The following ATXN7L1 variants were observed in gnomAD, a reference collection of about 807,000 sequenced individuals.
ATXN7L1 encodes the protein ataxin-7-like protein 1.
A neutral mutation model predicts 70.8 loss-of-function variants in ATXN7L1; 15 were observed. The observed-to-expected ratio is 0.21, with a 90% CI of 0.14 to 0.33. ATXN7L1 has a LOEUF of 0.33. ATXN7L1 is among the 10% of genes least tolerant of loss of function. The pLI is 1.00. For synonymous variants in ATXN7L1, 440 were observed against 445.1 expected, an observed-to-expected ratio of 0.99 and a Z score of 0.14; for missense variants, 975 against 1,097.1, an observed-to-expected ratio of 0.89 and a Z score of 1.57.
chr7:105,769,602 C>A (rs1445496583), intron 3 of ATXN7L1, among the ~76,000 whole-genome samples: 2 of 152,120 alleles, frequency 1.3e-5, no homozygotes, highest in African/African-American at 2.4e-5. Context: ...GACCGGCTGA[C>A]TCAGGCCTAA....
intron 3 of ATXN7L1, among the ~76,000 whole-genome samples, chr7:105,717,501 T>A (rs1340737496): frequency 2.0e-5 from 3 of 152,240 alleles, no homozygotes; most frequent in Non-Finnish European, 4.4e-5. Flanking sequence ...TGGTTGCAAT[T>A]TTTTGCTATT....
chr7:105,729,203 C>A (rs556519119), intron 3 of ATXN7L1, among the ~76,000 whole-genome samples: 6 of 151,540 alleles, frequency 4.0e-5, no homozygotes, highest in Non-Finnish European at 8.8e-5. Context: ...GCCAGGAGGT[C>A]GAGGCTACAG....
At chr7:105,727,580 A>G (rs1390814153) in intron 3 of ATXN7L1, among the ~76,000 whole-genome samples, 1 of 150,116 alleles carries the variant, frequency 6.7e-6, no homozygotes, top group Non-Finnish European at 1.5e-5. Context: ...GAGGCATGAG[A>G]ATTGCTTGAA....
At chr7:105,688,536 C>A (rs534874449) in intron 3 of ATXN7L1, among the ~76,000 whole-genome samples, 1 of 151,304 alleles carries the variant, frequency 6.6e-6, no homozygotes, top group South Asian at 2.1e-4. Flanking sequence ...CAGAGCAAGA[C>A]CCTGTGTCAA....
chr7:105,832,457 T>A (rs966620254), intron 2 of ATXN7L1, among the ~76,000 whole-genome samples: 1 of 152,234 alleles, frequency 6.6e-6, no homozygotes, highest in African/African-American at 2.4e-5. Context: ...AAATACCTTA[T>A]GTGTTTGATG....
At chr7:105,875,620 C>T (rs1199849663) in intron 2 of ATXN7L1, among the ~76,000 whole-genome samples, 192 bp downstream of exon 2, 2 of 59,770 alleles carry the variant, frequency 3.3e-5, no homozygotes, top group African/African-American at 8.2e-5. Flanking sequence ...CAGTCTCACC[C>T]CCCTTTACCC....
intron 3 of ATXN7L1, among the ~76,000 whole-genome samples, chr7:105,778,006 C>A (rs1166821361): frequency 2.6e-5 from 4 of 152,154 alleles, no homozygotes; most frequent in African/African-American, 9.7e-5. Context: ...AGAACATAAG[C>A]CTCAAGAAGC....
At chr7:105,690,068 G>A (rs1444562159) in intron 3 of ATXN7L1, among the ~76,000 whole-genome samples, 7 of 152,276 alleles carry the variant, frequency 4.6e-5, no homozygotes, top group Admixed American at 1.3e-4. Context: ...GCAATGGCGC[G>A]CTCTCGGCTC....
At chr7:105,761,191 G>T in intron 3 of ATXN7L1, 1 of 1,398,692 alleles carries the variant, frequency 7.1e-7, no homozygotes, top group African/African-American at 1.5e-5. Flanking sequence ...GGTACCCCCT[G>T]CTCTGCTCAA....
chr7:105,672,647 G>T (rs1014825136), intron 3 of ATXN7L1, among the ~76,000 whole-genome samples: 2 of 152,204 alleles, frequency 1.3e-5, no homozygotes, highest in African/African-American at 4.8e-5. Context: ...TGTTTTCAGA[G>T]CCCCTGTCTT....
Position 105,642,991 on chromosome 7 carries a change from T to G in ATXN7L1, c.709A>C (p.Thr237Pro). ...AGGACAGGCTTAATTAAAGGAGGGGTGGAGACGGCAGAGGACGAGGTGGAG... is the reference window on the plus strand; with the variant it reads ...AGGACAGGCTTAATTAAAGGAGGGGGGGAGACGGCAGAGGACGAGGTGGAG... ...ASSTSSSAVS[T>P]PPLIKPVLMS... Residue 237 changes from threonine to proline, a missense_variant, in exon 5 of 12, where the codon ACC (threonine) becomes CCC (proline). Thr to Pro is a conservative substitution (Grantham distance 38). Around this residue, in one of 5 missense-constraint regions of ATXN7L1, gnomAD observed 192 missense variants for 215.5 expected, o/e 0.89. Coordinates refer to ENST00000419735, the MANE Select transcript of ATXN7L1 (RefSeq NM_020725.2). 1 of 1,551,712 alleles carries G rather than the reference T, an allele frequency of 6.4e-7. No individual in the cohort carries two copies. Among genetic ancestry groups the G allele is most frequent in the African/African-American group, 1.4e-5 (1 of 73,110 alleles).
intron 3 of ATXN7L1, among the ~76,000 whole-genome samples, chr7:105,727,945 T>C (rs1796107489): frequency 6.6e-6 from 1 of 151,072 alleles, no homozygotes; most frequent in African/African-American, 2.4e-5. Context: ...GGGCTTGTAG[T>C]AGTATTAAGA....
At chr7:105,697,308 G>A (rs1791857391) in intron 3 of ATXN7L1, among the ~76,000 whole-genome samples, 1 of 152,144 alleles carries the variant, frequency 6.6e-6, no homozygotes, top group South Asian at 2.1e-4. Context: ...AGACAGGTAC[G>A]CCCCAGAGGG....
intron 7 of ATXN7L1, among the ~76,000 whole-genome samples, chr7:105,635,994 G>A (rs1435775383): frequency 6.6e-6 from 1 of 152,082 alleles, no homozygotes. Context: ...TAATTGCAGG[G>A]GATCTTGTCC....
chr7:105,617,553 G>A (rs1051078521), intron 9 of ATXN7L1, among the ~76,000 whole-genome samples: 2 of 152,162 alleles, frequency 1.3e-5, no homozygotes, highest in Non-Finnish European at 2.9e-5. Context: ...GGGAGAAATA[G>A]GGTGAGGGGC....
In ATXN7L1 at chr7:105,828,602, C is replaced by G. The variant is rs546525987; in HGVS notation, c.251-39894G>C. 2.6e-5 allele frequency among the ~76,000 whole-genome samples: 4 copies of G among 152,314 alleles called. No homozygotes were observed. In the East Asian group the frequency reaches 7.7e-4, roughly 29 times the overall value. On this transcript the variant is annotated intron_variant, in intron 2 of 11. Coordinates refer to ENST00000419735, the MANE Select transcript of ATXN7L1 (RefSeq NM_020725.2). ...ATGACTACTCTTTATCAAACACATACTCTATGCCAACTACTGTACTAAGCA... is the reference window on the plus strand; with the variant it reads ...ATGACTACTCTTTATCAAACACATAGTCTATGCCAACTACTGTACTAAGCA...
intron 3 of ATXN7L1, among the ~76,000 whole-genome samples, chr7:105,777,438 C>A (rs1802891737): frequency 6.6e-6 from 1 of 152,210 alleles, no homozygotes; most frequent in African/African-American, 2.4e-5. Flanking sequence ...TACTCAACCT[C>A]TTGGCATTTG....
Position 105,613,991 on chromosome 7 carries a change from C to T in ATXN7L1, c.2343G>A (p.Lys781=). 6.4e-7 allele frequency: 1 copy of T among 1,552,234 alleles called. No homozygotes were observed. The highest frequency in any genetic ancestry group is 8.7e-7 in the Non-Finnish European group (1 of 1,147,110). The change falls in exon 10 of 12, where the codon AAG becomes AAA. Residue 781 remains lysine, a synonymous_variant. Transcript: ENST00000419735. The stretch of plus-strand genomic sequence containing the variant: ...AGGCTTTGCTACTAGAACTCGAGTT[C>T]TTACGCTTTTTTCCTTCTGATTTGT... ...SFDKSEGKKR[K]NSSSSSKACK... is the part of the protein sequence containing the mutation.
intron 3 of ATXN7L1, chr7:105,760,605 C>T: frequency 1.0e-6 from 1 of 970,448 alleles, no homozygotes; most frequent in Non-Finnish European, 1.2e-6. Context: ...AGTCCCCATC[C>T]TCACAGAGCT....
Sources: allele counts gnomAD v4.1 joint callset (sites outside exome capture counted in the v4.1 genomes callset), GRCh38; gene constraint gnomAD v4.1.1; regional missense constraint gnomAD v4.1.1; transcripts MANE v1.5; gene names NCBI Gene and HGNC (gene_info 2026-07-23, HGNC 2026-07-21).